The following HDX variants were observed in gnomAD, a reference collection of about 807,000 sequenced individuals.
The protein encoded by HDX is chromosome X open reading frame 43.
In HDX, 19 loss-of-function variants were observed where a neutral mutation model predicts 45.2. The ratio of observed to expected loss-of-function variants is 0.42; its 90% CI spans 0.29 to 0.62. The LOEUF is 0.62. HDX is among the 20% of genes least tolerant of loss of function. The pLI is 0.20. For missense variants in HDX, 532 were observed against 493.9 expected (o/e 1.08, Z -0.73); for synonymous variants, 188 against 172.8 (o/e 1.09, Z -0.69).
chrX:84,321,697 A>G lies in HDX; in HGVS notation c.*192T>C. ...AGTTAAAAAAATACTCTCTCAAACAATGCTTTTAAATTTCACCTACATTTT... is the reference window on the plus strand; with the variant it reads ...AGTTAAAAAAATACTCTCTCAAACAGTGCTTTTAAATTTCACCTACATTTT... On this transcript the variant is annotated 3_prime_UTR_variant, in exon 11 of 11. Transcript: ENST00000373177. 7.2e-6 allele frequency: 2 copies of G among 278,511 alleles called. No homozygotes were observed. The highest frequency in any genetic ancestry group is 1.3e-4 in the Admixed American group (2 of 15,592). 23.0% of individuals were successfully genotyped at this position (278,511 alleles called of 1,213,427 possible). A position where few individuals can be genotyped will look rare whatever the true frequency, so the allele number is the denominator to read the frequency against.
chrX:84,360,670 T>C (rs1291989950), intron 6 of HDX, among the ~76,000 whole-genome samples: 1 of 111,324 alleles, frequency 9.0e-6, no homozygotes, highest in East Asian at 2.9e-4. Context: ...TAATATAATA[T>C]GTGGTCTTTT....
rs748655409 is a variant in HDX, at chrX:84,469,524, C to T, written c.199G>A (p.Gly67Arg). Residue 67 changes from glycine (G) to arginine (R), a missense_variant, in exon 4 of 11, where the codon GGA becomes AGA. Gly to Arg is a moderately radical substitution (Grantham distance 125). Coordinates refer to ENST00000373177, the MANE Select transcript of HDX (RefSeq NM_001177479.2). ...AAAGAGGTTCCTGTTGTTGCTGTTC[C>T]AGATTCAGAGTTCTTACTACTCATC... The part of the protein sequence containing the change: ...RKMSSKNSES[G>R]TATTGTSLSA... 4 of 1,204,066 alleles carry T rather than the reference C, an allele frequency of 3.3e-6. No individual in the cohort carries two copies. In the Admixed American group the frequency reaches 8.8e-5, roughly 27 times the overall value.
At chrX:84,438,381 T>C (rs1181635724) in intron 5 of HDX, among the ~76,000 whole-genome samples, 1 of 111,438 alleles carries the variant, frequency 9.0e-6, no homozygotes, top group Non-Finnish European at 1.9e-5. Context: ...GGGTTATCTT[T>C]CTTTTTATTT....
rs1329905034 is a variant in HDX at position 84,318,216 on chromosome X, C to T, written c.*3673G>A. ...GACTGTAGGTTCACAAGTTAGTAGC[C>T]TCCTTGATTATAGCATTACAGAGCA... On this transcript the variant is annotated 3_prime_UTR_variant, in exon 11 of 11. Coordinates refer to ENST00000373177, the MANE Select transcript of HDX (RefSeq NM_001177479.2). 1 of 110,086 alleles carries T rather than the reference C, an allele frequency of 9.1e-6. No individual in the cohort carries two copies. The allele number at this position is 110,086 out of a possible 1,213,427, so 9.1% of individuals were successfully genotyped here.
At chrX:84,471,662 T>C (rs1475539405) in intron 3 of HDX, among the ~76,000 whole-genome samples, 1 of 109,578 alleles carries the variant, frequency 9.1e-6, no homozygotes, top group Non-Finnish European at 1.9e-5. Flanking sequence ...CTATTGGCCA[T>C]TTTATTTTTA....
At chrX:84,458,952 G>T (rs769160061) in intron 4 of HDX, among the ~76,000 whole-genome samples, 8 of 111,610 alleles carry the variant, frequency 7.2e-5, no homozygotes, top group Non-Finnish European at 1.5e-4. Flanking sequence ...ACTAGCTAAA[G>T]AACCTACAAA....
intron 5 of HDX, among the ~76,000 whole-genome samples, chrX:84,406,002 A>C (rs977027707): frequency 1.4e-4 from 15 of 110,645 alleles, no homozygotes; most frequent in African/African-American, 4.9e-4. Flanking sequence ...GCAGTGGGGC[A>C]TGAATTTAAA....
chrX:84,361,514 T>G lies in HDX; in HGVS notation c.1404A>C (p.Lys468Asn). The G allele has an allele frequency of 8.3e-7, 1 of 1,207,790 alleles. No individual in the cohort carries two copies. The highest frequency in any genetic ancestry group is 1.1e-6 in the Non-Finnish European group (1 of 892,468). The change falls in exon 6 of 11, where the codon AAA (lysine) becomes AAC (asparagine). Residue 468 changes from lysine to asparagine, a missense_variant. Lys to Asn is a moderately conservative substitution (Grantham distance 94). Transcript: ENST00000373177. ...TTAATTCAGTTGCCACAGCTTCAAT[T>G]TTCTCTCTACAAACAGAGCCCAGGC... Reference protein sequence around the residue: ...MTSLGSVCREKIEAVATELNV... With the variant: ...MTSLGSVCRENIEAVATELNV...
At chrX:84,341,166 C>T (rs1333838551) in intron 7 of HDX, among the ~76,000 whole-genome samples, 2 of 110,835 alleles carry the variant, frequency 1.8e-5, no homozygotes, top group African/African-American at 6.5e-5. Flanking sequence ...TACTTCCCCA[C>T]TCTCCTTCAG....
In HDX at chrX:84,343,810, A is replaced by C. The variant is rs779406102; in HGVS notation, c.1660+440T>G. 4.5e-5 allele frequency among the ~76,000 whole-genome samples: 5 copies of C among 111,080 alleles called. No homozygotes were observed. In the East Asian group the frequency reaches 1.4e-3, roughly 32 times the overall value. Reference sequence around the variant, plus strand: ...ATTCTCTTTAGCAGATGAGGAAACTAAAGCCCAATTAAATACTTTGCATGA... The same window carrying C: ...ATTCTCTTTAGCAGATGAGGAAACTCAAGCCCAATTAAATACTTTGCATGA... On this transcript the variant is annotated intron_variant, in intron 7 of 10. Transcript: ENST00000373177.
intron 4 of HDX, among the ~76,000 whole-genome samples, chrX:84,465,039 G>T (rs1173477290): frequency 1.8e-5 from 2 of 112,107 alleles, no homozygotes; most frequent in Non-Finnish European, 3.8e-5. Context: ...GTCAAAAGAA[G>T]ACATTTATGC....
In HDX at chrX:84,469,483, G is replaced by C. The variant is rs2148139329; in HGVS notation, c.240C>G (p.Ile80Met). 8.3e-7 allele frequency: 1 copy of C among 1,210,418 alleles called. No individual in the cohort carries two copies. Among genetic ancestry groups the C allele is most frequent in the East Asian group, 3.0e-5 (1 of 33,819 alleles). Residue 80 changes from isoleucine to methionine, a missense_variant, in exon 4 of 11, where the codon ATC becomes ATG. Ile to Met is a conservative substitution (Grantham distance 10). Transcript: ENST00000373177. ...CAATATTAACCACATTTCTGACTGT[G>C]ATGTCTGGAGCTGACAAAGAGGTTC... is the stretch of plus-strand genomic sequence containing the variant. ...TTGTSLSAPD[I>M]TVRNVVNIAR...
chrX:84,499,406 C>A (rs2041074208), intron 1 of HDX, among the ~76,000 whole-genome samples: 1 of 111,523 alleles, frequency 9.0e-6, no homozygotes, highest in Non-Finnish European at 1.9e-5. Flanking sequence ...TTCTAAGCAC[C>A]ACATTCTATC....
At chrX:84,494,574 C>T (rs1361184651) in intron 1 of HDX, among the ~76,000 whole-genome samples, 1 of 111,516 alleles carries the variant, frequency 9.0e-6, no homozygotes, top group Non-Finnish European at 1.9e-5. Context: ...GGGGGATATC[C>T]CTCAAAGTAC....
chrX:84,336,873 G>C lies in HDX; in HGVS notation c.1668C>G (p.Pro556=). 1 of 1,167,868 alleles carries C rather than the reference G, an allele frequency of 8.6e-7. No homozygotes were observed. Among genetic ancestry groups the C allele is most frequent in the Non-Finnish European group, 1.2e-6 (1 of 864,504 alleles). The change falls in exon 8 of 11, where the codon CCC becomes CCG. Residue 556 remains proline, a synonymous_variant. Transcript: ENST00000373177. ...TTGCATCATTCGGAACAACTTCATT[G>C]GGCTCTTCTACAGAAAAAAATGCCA... is the stretch of plus-strand genomic sequence containing the variant. The part of the protein sequence containing the change: ...CLSEGSSQEE[P]NEVVPNDARA...
chrX:84,360,579 C>A (rs1238740060), intron 6 of HDX, among the ~76,000 whole-genome samples: 2 of 111,112 alleles, frequency 1.8e-5, no homozygotes, highest in Non-Finnish European at 3.8e-5. Flanking sequence ...TCCCATCCCT[C>A]CCCTCCCTCA....
At chrX:84,434,891 T>C (rs1270883567) in intron 5 of HDX, among the ~76,000 whole-genome samples, 1 of 111,501 alleles carries the variant, frequency 9.0e-6, no homozygotes, top group African/African-American at 3.3e-5. Flanking sequence ...CTTGGTTCAA[T>C]GTTAGTAAGT....
chrX:84,411,361 C>A (rs1359228978), intron 5 of HDX, among the ~76,000 whole-genome samples: 1 of 111,574 alleles, frequency 9.0e-6, no homozygotes, highest in African/African-American at 3.3e-5. Flanking sequence ...TATGATGTAT[C>A]TTTGTTCTCA....
intron 6 of HDX, among the ~76,000 whole-genome samples, chrX:84,349,298 T>G (rs2037277797): frequency 1.8e-5 from 2 of 110,039 alleles, no homozygotes; most frequent in South Asian, 7.8e-4. Flanking sequence ...GTTTTATTTG[T>G]TAAGATGAAC....
Sources: gnomAD v4.1 joint callset for allele counts (sites outside exome capture counted in the v4.1 genomes callset) on GRCh38, gnomAD v4.1.1 for gene constraint, MANE v1.5 for transcripts, NCBI Gene and HGNC (gene_info 2026-07-23, HGNC 2026-07-21) for gene names.